The following MIPEP variants were observed in gnomAD, a reference collection of about 807,000 sequenced individuals.
MIPEP encodes mitochondrial intermediate peptidase.
Under a neutral mutation model 90.3 loss-of-function variants are expected in MIPEP, and 79 were observed. The observed-to-expected ratio is 0.87, with a 90% CI of 0.73 to 1.05. The LOEUF is 1.05. Ranked by LOEUF, MIPEP falls within the 50% of genes least tolerant of loss-of-function variation. The pLI is 0.00. For missense variants in MIPEP, 940 were observed against 905.6 expected, an observed-to-expected ratio of 1.04 and a Z score of -0.49; for synonymous variants, 334 against 315.8, an observed-to-expected ratio of 1.06 and a Z score of -0.61.
In MIPEP at chr13:23,831,383, C is replaced by CG. The variant is rs1555237542; in HGVS notation, c.1653+4856dup. ...CGGGGACAGCCTAGCTTCCCCATGG[C>CG]GGGGGGGGGATGTGGATGGGAATTG... On this transcript the variant is annotated intron_variant, in intron 14 of 18. Transcript: ENST00000382172. Among the ~76,000 whole-genome samples the CG allele has an allele frequency of 1.3e-3, 54 of 40,860 alleles. 2 individuals are homozygous for CG. The highest frequency in any genetic ancestry group is 2.5e-3 in the South Asian group (3 of 1,178). The allele number at this position is 40,860 out of a possible 152,430, so 26.8% of individuals were successfully genotyped here. A position where few individuals can be genotyped will look rare whatever the true frequency, so the allele number is the denominator to read the frequency against.
At chr13:23,826,375 T>C (rs1391291836) in intron 14 of MIPEP, among the ~76,000 whole-genome samples, 1 of 152,052 alleles carries the variant, frequency 6.6e-6, no homozygotes, top group Non-Finnish European at 1.5e-5. Flanking sequence ...AAATATACAA[T>C]CTACTCAAGC....
intron 18 of MIPEP, among the ~76,000 whole-genome samples, chr13:23,743,820 G>A (rs1952356859): frequency 6.6e-6 from 1 of 152,152 alleles, no homozygotes; most frequent in Non-Finnish European, 1.5e-5. Flanking sequence ...TAAAATATTA[G>A]TGCATTTACA....
Position 23,839,654 on chromosome 13 carries a change from G to A in MIPEP, c.1333C>T (p.His445Tyr). 1.9e-6 allele frequency: 3 copies of A among 1,611,402 alleles called. No individual in the cohort carries two copies. Among genetic ancestry groups the A allele is most frequent in the Non-Finnish European group, 2.5e-6 (3 of 1,178,250 alleles). Reference protein sequence around the residue: ...CDFFQRADKPHQDCHFTIRGG... With the variant: ...CDFFQRADKPYQDCHFTIRGG... ...GTTTATAAAGAAAGGATCACCTGAT[G>A]TGGTTTGTCTGCTCGCTGAAAAAAA... is the stretch of plus-strand genomic sequence containing the variant. The change falls in exon 12 of 19, where the codon CAT (histidine) becomes TAT (tyrosine). Residue 445 changes from histidine (H) to tyrosine (Y), a missense_variant. Transcript: ENST00000382172.
chr13:23,830,392 CA>C (rs769929315), intron 14 of MIPEP, among the ~76,000 whole-genome samples: 3 of 151,956 alleles, frequency 2.0e-5, no homozygotes, highest in African/African-American at 7.3e-5. Flanking sequence ...ATAATGTGGC[CA>C]AAAAATGATA....
chr13:23,760,830 A>T (rs9510848), intron 16 of MIPEP, among the ~76,000 whole-genome samples: 4 of 152,076 alleles, frequency 2.6e-5, no homozygotes, highest in Admixed American at 6.5e-5. Context: ...TTCTTCATTA[A>T]GTGAGTTTAA....
chr13:23,790,278 T>G (rs1952885820), intron 16 of MIPEP, among the ~76,000 whole-genome samples: 1 of 152,196 alleles, frequency 6.6e-6, no homozygotes, highest in Non-Finnish European at 1.5e-5. Flanking sequence ...ACTCACTCCT[T>G]GAAGATTTCT....
chr13:23,811,221 G>T (rs542401741), intron 14 of MIPEP, among the ~76,000 whole-genome samples: 22 of 152,196 alleles, frequency 1.4e-4, no homozygotes, highest in Non-Finnish European at 2.4e-4. Flanking sequence ...ACATTTAAAA[G>T]ATTTTTCATG....
intron 17 of MIPEP, among the ~76,000 whole-genome samples, chr13:23,758,220 C>A (rs975673106): frequency 2.0e-5 from 3 of 152,158 alleles, no homozygotes; most frequent in Admixed American, 2.0e-4. Context: ...AGTGCCCTGA[C>A]CCTAAATCAA....
At chr13:23,754,876 CTGGGTCTGGAA>C (rs1353400483) in intron 18 of MIPEP, among the ~76,000 whole-genome samples, 3 of 152,188 alleles carry the variant, frequency 2.0e-5, no homozygotes, top group Non-Finnish European at 2.9e-5. Context: ...TCACTTTTGC[CTGGGTCTGGAA>C]CAGACCCTGA....
intron 14 of MIPEP, among the ~76,000 whole-genome samples, chr13:23,832,144 A>AT (rs1868799845): frequency 6.6e-6 from 1 of 152,130 alleles, no homozygotes; most frequent in Non-Finnish European, 1.5e-5. Context: ...TAATTCATCC[A>AT]TTGATTATAA....
At chr13:23,871,105 C>G (rs1461087467) in intron 5 of MIPEP, among the ~76,000 whole-genome samples, 1 of 152,204 alleles carries the variant, frequency 6.6e-6, no homozygotes, top group Non-Finnish European at 1.5e-5. Flanking sequence ...AAGAAGCAGA[C>G]TGGAACCCCA....
At position 23,809,962 on chromosome 13, in the gene MIPEP, C is replaced by T. The variant is rs368290047; in HGVS notation, c.1654-38G>A. The T allele has an allele frequency of 3.3e-5, 44 of 1,327,988 alleles. No individual in the cohort carries two copies. The African/African-American group carries it at 5.2e-4, about 16-fold the overall frequency. The allele number at this position is 1,327,988 out of a possible 1,614,324, so 82.3% of individuals were successfully genotyped here. On this transcript the variant is annotated intron_variant, in intron 14 of 18. Coordinates refer to ENST00000382172, the MANE Select transcript of MIPEP (RefSeq NM_005932.4). Reference sequence around the variant, plus strand: ...AAAGAATATATATGTGAGTAAACTGCGTAATAAGTCACTGCACTATGTATA... The same window carrying T: ...AAAGAATATATATGTGAGTAAACTGTGTAATAAGTCACTGCACTATGTATA...
intron 14 of MIPEP, among the ~76,000 whole-genome samples, chr13:23,811,613 T>C (rs1211094688): frequency 1.3e-5 from 2 of 152,220 alleles, no homozygotes; most frequent in Middle Eastern, 3.2e-3. Flanking sequence ...CAGAGTCACA[T>C]AGCCAGAGGC....
At chr13:23,866,730 C>A (rs1415929736) in intron 7 of MIPEP, among the ~76,000 whole-genome samples, 1 of 152,208 alleles carries the variant, frequency 6.6e-6, no homozygotes, top group Non-Finnish European at 1.5e-5. Context: ...AGTTCACTCT[C>A]TTAGTGGTAT....
intron 10 of MIPEP, among the ~76,000 whole-genome samples, chr13:23,858,030 A>G (rs2137494975): frequency 6.6e-6 from 1 of 152,276 alleles, no homozygotes; most frequent in South Asian, 2.1e-4. Flanking sequence ...ACCTAAATCA[A>G]CCTTAACTCT....
intron 9 of MIPEP, 41 bp from the exon 10 acceptor site, chr13:23,858,953 C>CT: frequency 6.4e-7 from 1 of 1,567,610 alleles, no homozygotes. Flanking sequence ...GCTACTGACT[C>CT]TTTCATAGTT....
intron 18 of MIPEP, among the ~76,000 whole-genome samples, chr13:23,740,898 A>C (rs1463442380): frequency 3.9e-5 from 6 of 152,156 alleles, no homozygotes; most frequent in African/African-American, 1.4e-4. Context: ...CGGGGAAGGA[A>C]GTATCGCTGC....
At chr13:23,868,961 T>C (rs1200400201) in intron 7 of MIPEP, among the ~76,000 whole-genome samples, 2 of 152,218 alleles carry the variant, frequency 1.3e-5, no homozygotes, top group African/African-American at 4.8e-5. Context: ...TACTGATCTT[T>C]CATTCTCTTA....
At position 23,766,658 on chromosome 13, in the gene MIPEP, C is replaced by T. The variant is rs571701782; in HGVS notation, c.1849-6441G>A. 1.5e-3 allele frequency among the ~76,000 whole-genome samples: 226 copies of T among 152,262 alleles called. 1 individual carries two copies. The highest frequency in any genetic ancestry group is 6.8e-3 in the Middle Eastern group (2 of 294). On this transcript the variant is annotated intron_variant, in intron 16 of 18. Coordinates refer to ENST00000382172, the MANE Select transcript of MIPEP (RefSeq NM_005932.4). Reference sequence around the variant, plus strand: ...TAGTGCTTCTAACTGATAAAAAGTCCCTACTGACAGTTTACCAAAACCCAT... The same window carrying T: ...TAGTGCTTCTAACTGATAAAAAGTCTCTACTGACAGTTTACCAAAACCCAT...
Sources: allele counts gnomAD v4.1 joint callset (sites outside exome capture counted in the v4.1 genomes callset), GRCh38; gene constraint gnomAD v4.1.1; transcripts MANE v1.5; gene names NCBI Gene and HGNC (gene_info 2026-07-23, HGNC 2026-07-21).